The following NAALADL2 variants were observed in gnomAD, a reference collection of about 807,000 sequenced individuals.
NAALADL2 encodes N-acetylated alpha-linked acidic dipeptidase like 2, also known as inactive N-acetylated-alpha-linked acidic dipeptidase-like protein 2.
In NAALADL2, 76 loss-of-function variants were observed where a neutral mutation model predicts 87.2. The ratio of observed to expected loss-of-function variants is 0.87; its 90% confidence interval spans 0.72 to 1.05. NAALADL2 has a LOEUF of 1.05. NAALADL2 is among the 50% of genes least tolerant of loss of function. The pLI, the probability that NAALADL2 is intolerant of heterozygous loss-of-function variation, is 0.00. For missense variants in NAALADL2, 1,089 were observed against 945.8 expected, an observed-to-expected ratio of 1.15 and a Z score of -1.99; for synonymous variants, 354 against 331.0, an observed-to-expected ratio of 1.07 and a Z score of -0.75.
chr3:175,575,487 G>A (rs1206910910), intron 9 of NAALADL2, among the ~76,000 whole-genome samples: 1 of 151,898 alleles, frequency 6.6e-6, no homozygotes, highest in East Asian at 1.9e-4. Context: ...CTTTCACCAT[G>A]TTGGCCAGGC....
intron 12 of NAALADL2, among the ~76,000 whole-genome samples, chr3:175,743,201 A>C (rs547575262): frequency 1.3e-5 from 2 of 151,974 alleles, no homozygotes; most frequent in African/African-American, 4.8e-5. Context: ...GGGTTTCACC[A>C]TGTTGGCCAG....
At position 175,347,925 on chromosome 3, in the gene NAALADL2, C is replaced by T. The variant is rs146989486; in HGVS notation, c.1090+23600C>T. Among the ~76,000 whole-genome samples, 3 of 152,118 alleles carry T rather than the reference C, an allele frequency of 2.0e-5. No homozygotes were observed. In the East Asian group the frequency reaches 5.8e-4, roughly 29 times the overall value. ...AACAGGCCCCAGTATGTGATGTTCC[C>T]CTCCCTGTGTCCATGTGTTCTCATT... On this transcript the variant is annotated intron_variant, in intron 5 of 13. Transcript: ENST00000454872.
chr3:174,751,279 G>A (rs896825729), intron 3 of NAALADL2, among the ~76,000 whole-genome samples: 1 of 152,022 alleles, frequency 6.6e-6, no homozygotes, highest in Admixed American at 6.5e-5. Context: ...AAATTGTTAT[G>A]AAATTTTGAC....
chr3:175,282,226 T>C (rs1429295502), intron 4 of NAALADL2, among the ~76,000 whole-genome samples: 1 of 152,090 alleles, frequency 6.6e-6, no homozygotes, highest in Non-Finnish European at 1.5e-5. Context: ...GACTTATGTA[T>C]CTACAATTAA....
At chr3:175,347,763 T>A (rs1233848875) in intron 5 of NAALADL2, among the ~76,000 whole-genome samples, 4 of 152,112 alleles carry the variant, frequency 2.6e-5, no homozygotes, top group African/African-American at 9.7e-5. Flanking sequence ...TACTTTAAGT[T>A]CTGGGGTACA....
chr3:175,028,889 G>A (rs536820723), intron 1 of NAALADL2, among the ~76,000 whole-genome samples: 2 of 151,430 alleles, frequency 1.3e-5, no homozygotes, highest in South Asian at 2.1e-4. Flanking sequence ...GTGTTTCTTT[G>A]TACTTAATTT....
chr3:175,237,398 C>T (rs1390875966), intron 3 of NAALADL2, among the ~76,000 whole-genome samples: 1 of 151,982 alleles, frequency 6.6e-6, no homozygotes, highest in Non-Finnish European at 1.5e-5. Flanking sequence ...ACTTGAGCAC[C>T]ATTTTTATTT....
chr3:174,738,896 A>G (rs1733485197), intron 3 of NAALADL2, among the ~76,000 whole-genome samples: 2 of 152,180 alleles, frequency 1.3e-5, no homozygotes, highest in South Asian at 4.1e-4. Context: ...TACATGATGC[A>G]TCAGTTTAAT....
At chr3:174,897,818 A>G (rs533781184) in intron 1 of NAALADL2, among the ~76,000 whole-genome samples, 37 of 151,314 alleles carry the variant, frequency 2.4e-4, no homozygotes, top group Non-Finnish European at 4.1e-4. Context: ...CAGCCATAAA[A>G]AAAGAATGAG....
At chr3:175,022,804 T>A (rs1289948781) in intron 1 of NAALADL2, among the ~76,000 whole-genome samples, 1 of 151,980 alleles carries the variant, frequency 6.6e-6, no homozygotes, top group Non-Finnish European at 1.5e-5. Context: ...TCAAAGCACA[T>A]ATTCCACCTG....
Position 175,144,298 on chromosome 3 carries a change from G to A in NAALADL2, c.545+47007G>A, listed in dbSNP as rs146731949. 2.9e-3 allele frequency among the ~76,000 whole-genome samples: 439 copies of A among 151,952 alleles called. 1 individual carries two copies. Among genetic ancestry groups the A allele is most frequent in the African/African-American group, 9.2e-3 (381 of 41,500 alleles). On this transcript the variant is annotated intron_variant, in intron 2 of 13. Coordinates refer to ENST00000454872, the MANE Select transcript of NAALADL2 (RefSeq NM_207015.3). ...TACAAAAAGCCATTGGGCACGTTTC[G>A]GTTAATTACTTCATTCTCATAATTT...
At chr3:174,991,127 G>A (rs1441154306) in intron 1 of NAALADL2, among the ~76,000 whole-genome samples, 1 of 151,956 alleles carries the variant, frequency 6.6e-6, no homozygotes, top group East Asian at 1.9e-4. Flanking sequence ...GCACAAAGAA[G>A]CACAAAAATG....
intron 10 of NAALADL2, among the ~76,000 whole-genome samples, chr3:175,582,008 T>G (rs563147633): frequency 6.6e-6 from 1 of 152,290 alleles, no homozygotes; most frequent in South Asian, 2.1e-4. Context: ...TCATAAACTG[T>G]GCTTCTACAA....
chr3:175,787,246 C>G (rs544215644), intron 13 of NAALADL2, among the ~76,000 whole-genome samples: 1,618 of 152,192 alleles, frequency 0.011, 16 homozygotes, highest in Middle Eastern at 0.055. Flanking sequence ...CCACCCAGTT[C>G]GAGCTTCCCG....
intron 5 of NAALADL2, among the ~76,000 whole-genome samples, chr3:175,427,118 G>A (rs530936626): frequency 1.3e-5 from 2 of 152,274 alleles, no homozygotes; most frequent in East Asian, 1.9e-4. Flanking sequence ...GACCGGTTAG[G>A]TTATTTCTTG....
intron 9 of NAALADL2, among the ~76,000 whole-genome samples, chr3:175,516,405 G>A (rs1401788684): frequency 1.3e-5 from 2 of 152,334 alleles, no homozygotes; most frequent in East Asian, 3.9e-4. Context: ...GTATTGATAT[G>A]TGTGAGATAA....
At chr3:175,327,262 TC>T (rs1264932618) in intron 5 of NAALADL2, among the ~76,000 whole-genome samples, 1 of 151,018 alleles carries the variant, frequency 6.6e-6, no homozygotes, top group Non-Finnish European at 1.5e-5. Flanking sequence ...TTCATGCCAT[TC>T]TCCTGCCTCA....
intron 1 of NAALADL2, among the ~76,000 whole-genome samples, chr3:174,476,534 GC>G (rs1295810296): frequency 1.3e-5 from 2 of 151,572 alleles, no homozygotes; most frequent in Non-Finnish European, 2.9e-5. Context: ...TATTCAAATG[GC>G]TTATTCATTT....
At chr3:174,497,077 G>T (rs1382945229) in intron 1 of NAALADL2, among the ~76,000 whole-genome samples, 2 of 152,038 alleles carry the variant, frequency 1.3e-5, no homozygotes, top group Non-Finnish European at 2.9e-5. Flanking sequence ...TGTAGCATTT[G>T]CCCATCAGTT....
Sources: allele counts gnomAD v4.1 joint callset (sites outside exome capture counted in the v4.1 genomes callset), GRCh38; gene constraint gnomAD v4.1.1; transcripts MANE v1.5; gene names NCBI Gene and HGNC (gene_info 2026-07-23, HGNC 2026-07-21).